The following SHANK2 variants were observed in gnomAD, a reference collection of about 807,000 sequenced individuals.
SHANK2 encodes SH3 and multiple ankyrin repeat domains protein 2.
Under a neutral mutation model 133.7 loss-of-function variants are expected in SHANK2, and 43 were observed. That is an observed-to-expected ratio of 0.32 (90% CI 0.25 to 0.41). The LOEUF (loss-of-function observed/expected upper bound fraction) is 0.41, where lower values mean the gene tolerates loss of function less well. Among genes scored for constraint, SHANK2 ranks in the 10% least tolerant of loss-of-function variants. The pLI is 1.00. For missense variants in SHANK2, 1,994 were observed against 2,235.8 expected, an observed-to-expected ratio of 0.89 and a Z score of 2.18; for synonymous variants, 1,017 against 952.8, an observed-to-expected ratio of 1.07 and a Z score of -1.24.
chr11:70,598,188 G>A (rs1230233183), intron 17 of SHANK2, among the ~76,000 whole-genome samples: 2 of 152,186 alleles, frequency 1.3e-5, no homozygotes, highest in Admixed American at 6.5e-5. Flanking sequence ...AGCTGCAGGC[G>A]ATGGGGCGGG....
chr11:71,067,133 C>T (rs1331131888), intron 9 of SHANK2, among the ~76,000 whole-genome samples: 3 of 152,266 alleles, frequency 2.0e-5, no homozygotes, highest in East Asian at 3.9e-4. Flanking sequence ...CGCCATTCAG[C>T]GAGACCCACA....
At chr11:70,732,736 A>T (rs1946316567) in intron 14 of SHANK2, among the ~76,000 whole-genome samples, 1 of 152,020 alleles carries the variant, frequency 6.6e-6, no homozygotes, top group African/African-American at 2.4e-5. Flanking sequence ...CTGCTGACAC[A>T]TCCCACCTCT....
At chr11:70,744,370 C>T (rs1300155293) in intron 14 of SHANK2, among the ~76,000 whole-genome samples, 7 of 152,204 alleles carry the variant, frequency 4.6e-5, no homozygotes, top group South Asian at 4.1e-4. Context: ...GGAACCCTGC[C>T]GGGCCCTCCT....
In SHANK2 at chr11:71,118,940, G is replaced by A. The variant is rs1952032949; in HGVS notation, c.300C>T (p.Asn100=). The A allele has an allele frequency of 1.3e-6, 2 of 1,551,762 alleles. No individual in the cohort carries two copies. The highest frequency in any genetic ancestry group is 1.7e-6 in the Non-Finnish European group (2 of 1,147,014). The change falls in exon 4 of 26, where the codon AAC becomes AAT. Residue 100 remains asparagine (N), a synonymous_variant. Transcript: ENST00000601538. ...TGCTGGCCGGCTGGAACAGGCCGTAGTTCAGGACATCTTTCAAACTCTGGG... is the reference window on the plus strand; with the variant it reads ...TGCTGGCCGGCTGGAACAGGCCGTAATTCAGGACATCTTTCAAACTCTGGG... The part of the protein sequence containing the change: ...TLTQSLKDVL[N]YGLFQPASNG...
chr11:71,231,967 C>A (rs1378213654), intron 1 of SHANK2, among the ~76,000 whole-genome samples: 1 of 151,842 alleles, frequency 6.6e-6, no homozygotes, highest in Non-Finnish European at 1.5e-5. Flanking sequence ...AACTGCAAAC[C>A]ACCCAGATAG....
intron 17 of SHANK2, among the ~76,000 whole-genome samples, chr11:70,577,665 C>A (rs79982732): frequency 0.029 from 4,423 of 152,274 alleles, 105 homozygotes; most frequent in East Asian, 0.096. Flanking sequence ...GGCCCACCCC[C>A]ACCTGAGCAT....
intron 22 of SHANK2, 82 bp from the exon 23 acceptor site, chr11:70,490,469 A>T (rs2058871447): frequency 8.6e-7 from 1 of 1,165,834 alleles, no homozygotes; most frequent in Non-Finnish European, 1.3e-6. Flanking sequence ...CCACAAGGGA[A>T]CTTCCGTCAC....
chr11:70,732,594 C>T (rs781881087), intron 14 of SHANK2, among the ~76,000 whole-genome samples: 2 of 152,382 alleles, frequency 1.3e-5, no homozygotes, highest in South Asian at 2.1e-4. Context: ...AAGCTACAGC[C>T]GCGCTGCCCT....
At chr11:70,746,452 C>G (rs1946639919) in intron 14 of SHANK2, among the ~76,000 whole-genome samples, 1 of 150,010 alleles carries the variant, frequency 6.7e-6, no homozygotes, top group South Asian at 2.1e-4. Context: ...CCACACTCTC[C>G]CGCCTCTCCA....
At chr11:71,073,846 G>A (rs1433773378) in intron 9 of SHANK2, among the ~76,000 whole-genome samples, 2 of 152,088 alleles carry the variant, frequency 1.3e-5, no homozygotes, top group African/African-American at 4.8e-5. Context: ...TGTCCGCCAC[G>A]TCCTTCCCCA....
At position 71,081,841 on chromosome 11, in the gene SHANK2, G is replaced by A. The variant is rs1005225514; in HGVS notation, c.913-6566C>T. 1.3e-3 allele frequency among the ~76,000 whole-genome samples: 196 copies of A among 152,306 alleles called. 1 individual carries two copies. The highest frequency in any genetic ancestry group is 4.2e-3 in the African/African-American group (174 of 41,574). On this transcript the variant is annotated intron_variant, in intron 8 of 25. Transcript: ENST00000601538. ...ACACGGGGGCCACAGAGGCTCGGCC[G>A]CTCGTGCCCAGGGGCAGACCCTGAG...
intron 2 of SHANK2, among the ~76,000 whole-genome samples, chr11:71,168,069 G>A (rs1361464903): frequency 1.4e-5 from 2 of 142,504 alleles, no homozygotes; most frequent in African/African-American, 2.7e-5. Context: ...CTTCTCAGAC[G>A]GGGCGGTTGC....
chr11:71,081,736 G>A (rs1298667051), intron 8 of SHANK2, among the ~76,000 whole-genome samples: 4 of 152,154 alleles, frequency 2.6e-5, no homozygotes, highest in Admixed American at 6.5e-5. Context: ...CAGGCCAGAG[G>A]GGCTCAGAAT....
chr11:71,204,540 G>C (rs978290862), intron 2 of SHANK2, among the ~76,000 whole-genome samples: 3 of 152,170 alleles, frequency 2.0e-5, no homozygotes, highest in Non-Finnish European at 4.4e-5. Context: ...GAAGGCTGCG[G>C]CAAGGGACTC....
chr11:71,235,771 G>A (rs1392371266), intron 1 of SHANK2, among the ~76,000 whole-genome samples: 1 of 152,198 alleles, frequency 6.6e-6, no homozygotes, highest in Admixed American at 6.5e-5. Context: ...GGACAGAAGA[G>A]CCTCCGATCT....
chr11:71,218,509 C>T (rs1430863378), intron 2 of SHANK2, among the ~76,000 whole-genome samples: 2 of 151,972 alleles, frequency 1.3e-5, no homozygotes, highest in Non-Finnish European at 2.9e-5. Flanking sequence ...GTGATCCACC[C>T]GCCTCAGCCT....
rs1425930398 is a variant in SHANK2, at chr11:70,472,842, A to G, written c.*27T>C. The G allele has an allele frequency of 1.2e-6, 2 of 1,604,966 alleles. No homozygotes were observed. The highest frequency in any genetic ancestry group is 1.3e-5 in the African/African-American group (1 of 74,726). On this transcript the variant is annotated 3_prime_UTR_variant, in exon 26 of 26. Coordinates refer to ENST00000601538, the MANE Select transcript of SHANK2 (RefSeq NM_012309.5). This position sits in a 1 kb window ranked among gnomAD's most constrained non-coding sequence, Gnocchi z 4.4. The stretch of plus-strand genomic sequence containing the variant: ...GCCCATCTCTACTTATAACAAGAGC[A>G]GTCTGCGAGGTGGAGAGCAGCCGTC...
At chr11:71,097,100 A>G (rs556281525) in intron 6 of SHANK2, among the ~76,000 whole-genome samples, 1 of 152,300 alleles carries the variant, frequency 6.6e-6, no homozygotes, top group South Asian at 2.1e-4. Context: ...AGGGCCATCC[A>G]ATGACAAGTG....
chr11:70,639,910 C>T (rs552941871), intron 17 of SHANK2, among the ~76,000 whole-genome samples: 29 of 152,282 alleles, frequency 1.9e-4, no homozygotes, highest in African/African-American at 6.7e-4. Context: ...GACCCAGGGA[C>T]GGCCCCAAGG....
Sources: allele counts gnomAD v4.1 joint callset (sites outside exome capture counted in the v4.1 genomes callset), GRCh38; gene constraint gnomAD v4.1.1; non-coding constraint Gnocchi (gnomAD v3.1); transcripts MANE v1.5; gene names NCBI Gene and HGNC (gene_info 2026-07-23, HGNC 2026-07-21).